USP11: variants seen among roughly 807,000 people sequenced by gnomAD.
The protein encoded by USP11 is ubiquitin specific peptidase 11, also known as ubiquitin carboxyl-terminal hydrolase 11.
In USP11, 5 loss-of-function variants were observed where a neutral mutation model predicts 72.8. The observed-to-expected ratio is 0.07, with a 90% CI of 0.04 to 0.14. USP11 has a LOEUF of 0.14. USP11 is among the 10% of genes least tolerant of loss of function. USP11 has a pLI of 1.00. For missense variants in USP11, 480 were observed against 794.7 expected, an observed-to-expected ratio of 0.60 and a Z score of 4.76; for synonymous variants, 368 against 326.5, an observed-to-expected ratio of 1.13 and a Z score of -1.37.
chrX:47,247,586 G>A (rs767409561), intron 19 of USP11, 25 bp from the exon 20 acceptor site: 4 of 1,208,225 alleles, frequency 3.3e-6, no homozygotes, highest in East Asian at 5.9e-5. Flanking sequence ...AAGGGTAGGC[G>A]AGGATAACTC....
In USP11 at chrX:47,243,495, C is replaced by T. The variant is rs200615118; in HGVS notation, c.1683C>T (p.Asn561=). Residue 561 remains asparagine, a synonymous_variant, in exon 13 of 21, where the codon AAC becomes AAT. Coordinates refer to ENST00000377107, the MANE Select transcript of USP11 (RefSeq NM_001371072.1). ...AGCGCACCCCTGCCCGTGACTACAA[C>T]AACTCCTACTACGGCCTGATGCTTT... is the stretch of plus-strand genomic sequence containing the variant. ...LRERTPARDY[N]NSYYGLMLFG... 8.3e-5 allele frequency: 100 copies of T among 1,209,654 alleles called. No homozygotes were observed. The highest frequency in any genetic ancestry group is 1.5e-5 in the Non-Finnish European group (13 of 895,130).
chrX:47,248,003 G>A lies in USP11; in HGVS notation c.*73G>A, dbSNP rs185460032. The A allele has an allele frequency of 4.1e-5, 46 of 1,116,894 alleles. No individual in the cohort carries two copies. Among genetic ancestry groups the A allele is most frequent in the African/African-American group, 7.7e-5 (4 of 52,108 alleles). 92.0% of individuals were successfully genotyped at this position (1,116,894 alleles called of 1,213,427 possible). A position where few individuals can be genotyped will look rare whatever the true frequency, so the allele number is the denominator to read the frequency against. On this transcript the variant is annotated 3_prime_UTR_variant, in exon 21 of 21. Coordinates refer to ENST00000377107, the MANE Select transcript of USP11 (RefSeq NM_001371072.1). ...CAATCTCGCTTCTCGTGTCCGCCCC[G>A]CTTCTCTTATTCGTGTTAGGTGCCC...
intron 1 of USP11, among the ~76,000 whole-genome samples, chrX:47,238,709 A>G (rs996279212): frequency 2.7e-5 from 3 of 110,868 alleles, no homozygotes; most frequent in Non-Finnish European, 5.7e-5. Context: ...GATGGCACAT[A>G]TCTTGAGCCT....
chrX:47,239,966 A>G (rs1287484742), intron 4 of USP11, 59 bp downstream of exon 4: 5 of 1,092,181 alleles, frequency 4.6e-6, no homozygotes. Flanking sequence ...CAACTCAGTG[A>G]CTTGAGGTTG....
Position 47,239,232 on chromosome X carries a change from C to G in USP11, c.286+53C>G, listed in dbSNP as rs1040574008. The G allele has an allele frequency of 7.1e-5, 83 of 1,174,987 alleles. No homozygotes were observed. The African/African-American group carries it at 1.3e-3, about 19-fold the overall frequency. On this transcript the variant is annotated intron_variant, in intron 2 of 20. Transcript: ENST00000377107. ...CTAGCCCTGGAGTTCTTGTCCCTTC[C>G]GTCCCTACAGATGATCATAAGCCCA...
At chrX:47,236,179 C>T (rs1192731960) in intron 1 of USP11, among the ~76,000 whole-genome samples, 1 of 112,277 alleles carries the variant, frequency 8.9e-6, no homozygotes, top group African/African-American at 3.2e-5. Flanking sequence ...AAAAAAATTA[C>T]CACACCAGTG....
At chrX:47,246,375 G>A (rs748403960) in intron 17 of USP11, among the ~76,000 whole-genome samples, 9 of 111,729 alleles carry the variant, frequency 8.1e-5, no homozygotes, top group South Asian at 3.7e-4. Flanking sequence ...CAGCATGTCC[G>A]TGGAGCAGAA....
Position 47,247,377 on chromosome X carries a change from A to G in USP11, c.2494A>G (p.Ile832Val). 8.3e-7 allele frequency: 1 copy of G among 1,210,751 alleles called. No homozygotes were observed. Among genetic ancestry groups the G allele is most frequent in the South Asian group, 1.8e-5 (1 of 56,906 alleles). Reference protein sequence around the residue: ...SNPELYKYDLIAVSNHYGGMR... With the variant: ...SNPELYKYDLVAVSNHYGGMR... ...TCCGGAGCTGTACAAATATGACCTC[A>G]TCGCGGTTTCCAACCATTATGGGGG... The change falls in exon 19 of 21, where the codon ATC becomes GTC. Residue 832 changes from isoleucine (I) to valine (V), a missense_variant. By Grantham distance (29) the Ile-to-Val change is conservative (BLOSUM62 3). Transcript: ENST00000377107.
chrX:47,239,430 C>T lies in USP11; in HGVS notation c.366C>T (p.Tyr122=). The T allele has an allele frequency of 4.1e-6, 5 of 1,211,608 alleles. No individual in the cohort carries two copies. The highest frequency in any genetic ancestry group is 5.6e-6 in the Non-Finnish European group (5 of 895,451). The change falls in exon 3 of 21, where the codon TAC becomes TAT. Residue 122 remains tyrosine (Y), a synonymous_variant. Coordinates refer to ENST00000377107, the MANE Select transcript of USP11 (RefSeq NM_001371072.1). ...YVLLPAAAWH[Y]LVSWYGLEHG... ...TGCTCCCAGCAGCTGCTTGGCATTA[C>T]CTGGTCAGCTGGTATGGTCTAGAGC...
rs1338408215 is a variant in USP11, at chrX:47,239,076, T to G, written c.183T>G (p.Leu61=). The part of the protein sequence containing the change: ...RPLRAGESWF[L]VEKHWYKQWE... ...TTACCTGTCTGGGCCCCAGGTTCCTTGTGGAGAAGCACTGGTATAAGCAGT... is the reference window on the plus strand; with the variant it reads ...TTACCTGTCTGGGCCCCAGGTTCCTGGTGGAGAAGCACTGGTATAAGCAGT... The change falls in exon 2 of 21, where the codon CTT becomes CTG. Residue 61 remains leucine (L), a synonymous_variant. Transcript: ENST00000377107. 4 of 1,207,053 alleles carry G rather than the reference T, an allele frequency of 3.3e-6. No individual in the cohort carries two copies. The East Asian group carries it at 1.2e-4, about 36-fold the overall frequency.
chrX:47,243,326 G>T, intron 12 of USP11, 70 bp from the exon 13 acceptor site: 11 of 1,091,259 alleles, frequency 1.0e-5, no homozygotes, highest in Non-Finnish European at 1.4e-5. Flanking sequence ...GAGTGGGTGG[G>T]GCAGCCAGGG....
At chrX:47,239,581 T>C in intron 3 of USP11, 100 bp downstream of exon 3, 3 of 1,120,888 alleles carry the variant, frequency 2.7e-6, no homozygotes, top group East Asian at 3.0e-5. Flanking sequence ...TAGGTACACA[T>C]ATGTCTGCTC....
At position 47,245,022 on chromosome X, in the gene USP11, C is replaced by T. The variant is rs748434379; in HGVS notation, c.2093C>T (p.Pro698Leu). Reference sequence around the variant, plus strand: ...ACCTCTCCCTCACCCCCAGCCCAGCCGTACATTGCTATCGACTGGGAGCCA... The same window carrying T: ...ACCTCTCCCTCACCCCCAGCCCAGCTGTACATTGCTATCGACTGGGAGCCA... ...TTSPEEVHAQPYIAIDWEPEM... is the reference protein window; with the variant it reads ...TTSPEEVHAQLYIAIDWEPEM... Residue 698 changes from proline to leucine, a missense_variant, in exon 16 of 21, where the codon CCG becomes CTG. Pro to Leu is a moderately conservative substitution (Grantham distance 98). Around this residue, in one of 5 missense-constraint regions of USP11, gnomAD observed 314 missense variants for 556.0 expected, o/e 0.56. Coordinates refer to ENST00000377107, the MANE Select transcript of USP11 (RefSeq NM_001371072.1). The T allele has an allele frequency of 8.3e-7, 1 of 1,211,905 alleles. No individual in the cohort carries two copies. Among genetic ancestry groups the T allele is most frequent in the Non-Finnish European group, 1.1e-6 (1 of 895,494 alleles).
chrX:47,241,178 GTT>G (rs2055400933), intron 7 of USP11, 97 bp from the exon 8 acceptor site: 1 of 933,979 alleles, frequency 1.1e-6, no homozygotes, highest in South Asian at 2.5e-5. Flanking sequence ...CTTCTCTCTT[GTT>G]TTCCTCTCTC....
Position 47,233,151 on chromosome X carries a change from C to T in USP11, c.108C>T (p.Asp36=), listed in dbSNP as rs775961752. The part of the protein sequence containing the change: ...EPQHEELPGL[D]SQWRQIENGE... ...AGCACGAGGAGCTGCCAGGCCTGGA[C>T]AGCCAGTGGCGCCAGATAGAAAACG... Residue 36 remains aspartate, a synonymous_variant, in exon 1 of 21, where the codon GAC becomes GAT. Transcript: ENST00000377107. 7 of 1,196,491 alleles carry T rather than the reference C, an allele frequency of 5.9e-6. No individual in the cohort carries two copies. In the South Asian group the frequency reaches 1.1e-4, roughly 18 times the overall value.
At position 47,239,080 on chromosome X, in the gene USP11, G is replaced by A. The variant is rs751355044; in HGVS notation, c.187G>A (p.Glu63Lys). Residue 63 changes from glutamate to lysine, a missense_variant, in exon 2 of 21, where the codon GAG becomes AAG. Around this residue, in one of 5 missense-constraint regions of USP11, gnomAD observed 71 missense variants for 71.4 expected, o/e 0.99. Transcript: ENST00000377107. ...CTGTCTGGGCCCCAGGTTCCTTGTG[G>A]AGAAGCACTGGTATAAGCAGTGGGA... ...LRAGESWFLV[E>K]KHWYKQWEAY... The A allele has an allele frequency of 5.0e-6, 6 of 1,209,183 alleles. No individual in the cohort carries two copies. The South Asian group carries it at 1.1e-4, about 21-fold the overall frequency.
chrX:47,237,708 G>A (rs939689419), intron 1 of USP11, among the ~76,000 whole-genome samples: 6 of 110,725 alleles, frequency 5.4e-5, no homozygotes, highest in Non-Finnish European at 1.1e-4. Flanking sequence ...TTTTTAAAAA[G>A]CATTTATTTG....
chrX:47,247,225 A>G lies in USP11; in HGVS notation c.2420+4A>G. On this transcript the variant is annotated splice_donor_region_variant and intron_variant, in intron 18 of 20. Transcript: ENST00000377107. ...CCCTCGTGGAGTTTCCTATCCGGTC[A>G]GGGGCCAGGGAGAGGATGGCTGGGG... is the stretch of plus-strand genomic sequence containing the variant. The G allele has an allele frequency of 3.3e-6, 4 of 1,210,875 alleles. No individual in the cohort carries two copies. Among genetic ancestry groups the G allele is most frequent in the Non-Finnish European group, 4.5e-6 (4 of 895,292 alleles).
chrX:47,238,888 A>G (rs2147350469), intron 1 of USP11, among the ~76,000 whole-genome samples, 182 bp from the exon 2 acceptor site: 1 of 112,358 alleles, frequency 8.9e-6, no homozygotes, highest in East Asian at 2.8e-4. Flanking sequence ...CTAAGAAGTT[A>G]TCTAACATAC....
Sources: gnomAD v4.1 joint callset for allele counts (sites outside exome capture counted in the v4.1 genomes callset) on GRCh38, gnomAD v4.1.1 for gene constraint, gnomAD v4.1.1 regional missense constraint, MANE v1.5 for transcripts, NCBI Gene and HGNC (gene_info 2026-07-23, HGNC 2026-07-21) for gene names.